Variants in PP2D1 observed in about 807,000 individuals in gnomAD.
PP2D1 encodes protein phosphatase 2C like domain containing 1.
Under a neutral mutation model 30.2 loss-of-function variants are expected in PP2D1, and 25 were observed. That is an observed-to-expected ratio of 0.83 (90% confidence interval 0.60 to 1.16). The LOEUF (loss-of-function observed/expected upper bound fraction) is 1.16. PP2D1 is among the 50% of genes most tolerant of loss of function. The probability of loss-of-function intolerance (pLI) is 0.00; values close to 1 mark genes in which losing one functional copy is unlikely to be tolerated. For missense variants in PP2D1, 760 were observed against 742.4 expected (o/e 1.02, Z -0.28); for synonymous variants, 260 against 258.9 (o/e 1.00, Z -0.04).
At chr3:20,005,382 C>G (rs905478201) in intron 1 of PP2D1, among the ~76,000 whole-genome samples, 3 of 151,984 alleles carry the variant, frequency 2.0e-5, no homozygotes, top group African/African-American at 7.2e-5. Flanking sequence ...GAACTCCCGA[C>G]CTCAGGTGAC....
chr3:19,997,889 T>G (rs1232853386), intron 2 of PP2D1, among the ~76,000 whole-genome samples: 1 of 151,758 alleles, frequency 6.6e-6, no homozygotes, highest in Non-Finnish European at 1.5e-5. Flanking sequence ...CGAGATAAAG[T>G]AAGGTTGGTT....
Position 19,987,925 on chromosome 3 carries a change from A to G in PP2D1, c.1091-1743T>C, listed in dbSNP as rs1052162697. Among the ~76,000 whole-genome samples, 21 of 152,340 alleles carry G rather than the reference A, an allele frequency of 1.4e-4. No homozygotes were observed. The Middle Eastern group carries it at 0.01, about 74-fold the overall frequency. The stretch of plus-strand genomic sequence containing the variant: ...CATGTCTTTACTGCAATCTCTGAAC[A>G]TAAATTGTGAAGATTTCATGGACAT... On this transcript the variant is annotated intron_variant, in intron 2 of 2. Coordinates refer to ENST00000389050, the MANE Select transcript of PP2D1 (RefSeq NM_001252657.2).
chr3:19,980,037 C>G (rs181904290), exon 4 of PP2D1: 1 of 152,294 alleles, frequency 6.6e-6, no homozygotes, highest in African/African-American at 2.4e-5. Flanking sequence ...TGGGAAAGAA[C>G]TTGCCTTTTC....
chr3:19,980,455 C>T (rs371372655), downstream of PP2D1, among the ~76,000 whole-genome samples: 1,905 of 117,936 alleles, frequency 0.016, 11 homozygotes, highest in Middle Eastern at 0.061. Context: ...ATTTTTTTTT[C>T]TTTTTTTTTT....
intron 2 of PP2D1, among the ~76,000 whole-genome samples, chr3:19,997,843 TA>T (rs1697201574): frequency 6.6e-6 from 1 of 152,100 alleles, no homozygotes; most frequent in Non-Finnish European, 1.5e-5. Flanking sequence ...GAATGATGGT[TA>T]CCAAAGATTG....
At position 19,993,469 on chromosome 3, in the gene PP2D1, C is replaced by T. The variant is rs539179189; in HGVS notation, c.1091-7287G>A. ...TTCACAAGGTGGCCAGGTGCAGTGG[C>T]TCATACCTATAATCCCAGCACTTTG... On this transcript the variant is annotated intron_variant, in intron 2 of 2. Transcript: ENST00000389050. Among the ~76,000 whole-genome samples, 4 of 152,320 alleles carry T rather than the reference C, an allele frequency of 2.6e-5. No individual in the cohort carries two copies. The East Asian group carries it at 5.8e-4, about 22-fold the overall frequency.
Position 20,012,146 on chromosome 3 carries a change from G to C in PP2D1, c.-74C>G. ...GGCCTCTATTTCTCCAACTTGAGTA[G>C]TGATGGTGATGGTGGAGGTAGAGGT... On this transcript the variant is annotated 5_prime_UTR_variant, in exon 1 of 3. Coordinates refer to ENST00000389050, the MANE Select transcript of PP2D1 (RefSeq NM_001252657.2). 1 of 1,184,950 alleles carries C rather than the reference G, an allele frequency of 8.4e-7. No individual in the cohort carries two copies. Among genetic ancestry groups the C allele is most frequent in the East Asian group, 2.6e-5 (1 of 38,972 alleles). The allele number at this position is 1,184,950 out of a possible 1,614,324, so 73.4% of individuals were successfully genotyped here.
chr3:19,989,725 G>T (rs183096022), intron 2 of PP2D1, among the ~76,000 whole-genome samples: 1 of 152,164 alleles, frequency 6.6e-6, no homozygotes, highest in African/African-American at 2.4e-5. Flanking sequence ...AAATTTTTAC[G>T]TGTGTGCATA....
In PP2D1 at chr3:20,006,951, G is replaced by GTA. The variant is rs751112821; in HGVS notation, c.24-4857_24-4856dup. On this transcript the variant is annotated intron_variant, in intron 1 of 2. Transcript: ENST00000389050. ...GCCTAAAATATATATACGTATGTGT[G>GTA]TATATATATATACATATATATACAC... Among the ~76,000 whole-genome samples, 1,444 of 149,636 alleles carry GTA rather than the reference G, an allele frequency of 9.7e-3. 12 individuals are homozygous for GTA. The highest frequency in any genetic ancestry group is 0.028 in the Middle Eastern group (8 of 284).
intron 2 of PP2D1, among the ~76,000 whole-genome samples, chr3:19,988,042 T>G (rs963877909): frequency 2.6e-5 from 4 of 152,148 alleles, no homozygotes; most frequent in Non-Finnish European, 5.9e-5. Flanking sequence ...TGTATGTCGC[T>G]TCAGGACCCT....
intron 2 of PP2D1, among the ~76,000 whole-genome samples, chr3:20,000,413 A>C (rs1460462399): frequency 6.6e-6 from 1 of 152,186 alleles, no homozygotes; most frequent in African/African-American, 2.4e-5. Context: ...ACTCATGTCA[A>C]TTTTGCTAAA....
rs2125136728 is a variant in PP2D1, at chr3:19,986,067, A to G, written c.1206T>C (p.Ser402=). The G allele has an allele frequency of 6.5e-7, 1 of 1,536,036 alleles. No individual in the cohort carries two copies. The highest frequency in any genetic ancestry group is 8.7e-7 in the Non-Finnish European group (1 of 1,146,832). ...CTACAAGCCCGTATGGTTCATTTGA[A>G]CTAATGACTGCTCCATTCTGAAGTA... ...RRILQNGAVI[S]SNEPYGLVEG... The change falls in exon 3 of 3, where the codon AGT becomes AGC. Residue 402 remains serine, a synonymous_variant. Coordinates refer to ENST00000389050, the MANE Select transcript of PP2D1 (RefSeq NM_001252657.2).
chr3:19,981,712 G>A (rs946623078), downstream of PP2D1, among the ~76,000 whole-genome samples: 5 of 152,110 alleles, frequency 3.3e-5, no homozygotes, highest in African/African-American at 1.2e-4. Flanking sequence ...TATCCAGCAG[G>A]TAAGTTTTTT....
In PP2D1 at chr3:19,985,701, A is replaced by G. The variant is rs551498146; in HGVS notation, c.1572T>C (p.Arg524=). Residue 524 remains arginine (R), a synonymous_variant, in exon 3 of 3, where the codon CGT becomes CGC. Coordinates refer to ENST00000389050, the MANE Select transcript of PP2D1 (RefSeq NM_001252657.2). ...LFQYKSVSEV[R]VSTTNSKENL... ...TTTCTTTGGAATTTGTAGTTGACAC[A>G]CGTACTTCAGATACAGATTTATACT... 1,424 of 1,535,932 alleles carry G rather than the reference A, an allele frequency of 9.3e-4. 23 individuals carry two copies. The South Asian group carries it at 0.016, about 17-fold the overall frequency.
In PP2D1 at chr3:19,985,712, A is replaced by G. The variant is rs1482071652; in HGVS notation, c.1561T>C (p.Ser521Pro). 1 of 1,535,596 alleles carries G rather than the reference A, an allele frequency of 6.5e-7. No homozygotes were observed. Among genetic ancestry groups the G allele is most frequent in the African/African-American group, 1.4e-5 (1 of 73,048 alleles). The change falls in exon 3 of 3, where the codon TCT (serine) becomes CCT (proline). Residue 521 changes from serine to proline, a missense_variant. Ser to Pro is a moderately conservative substitution (Grantham distance 74, BLOSUM62 -1). This residue lies in a region of PP2D1 where 369 missense variants were observed against 316.2 expected (regional missense o/e 1.17). Transcript: ENST00000389050. The part of the protein sequence containing the change: ...IHVLFQYKSV[S>P]EVRVSTTNSK... The stretch of plus-strand genomic sequence containing the variant: ...TTTGTAGTTGACACACGTACTTCAG[A>G]TACAGATTTATACTGAAACAATACG...
At chr3:20,011,909 A>T (rs536708787) in intron 1 of PP2D1, 141 bp downstream of exon 1, 1 of 581,818 alleles carries the variant, frequency 1.7e-6, no homozygotes, top group South Asian at 2.5e-5. Context: ...AGGCAGAGGG[A>T]TATATCACTC....
chr3:19,983,265 G>A (rs1315444309), downstream of PP2D1, among the ~76,000 whole-genome samples: 3 of 150,848 alleles, frequency 2.0e-5, no homozygotes, highest in African/African-American at 7.3e-5. Context: ...GAACCCAGGA[G>A]GTGGAGGTTG....
rs9882344 is a variant in PP2D1, at chr3:20,002,039, C to T, written c.81G>A (p.Glu27=). The part of the protein sequence containing the change: ...NMKTSTFDSD[E]DILLLPKRKR... ...TTCTTTTGGGTAAAAGTAGAATATC[C>T]TCATCTGAATCAAATGTTGATGTTT... Residue 27 remains glutamate (E), a synonymous_variant, in exon 2 of 3, where the codon GAG becomes GAA. Coordinates refer to ENST00000389050, the MANE Select transcript of PP2D1 (RefSeq NM_001252657.2). 0.18 allele frequency: 277,958 copies of T among 1,528,668 alleles called. 27,637 individuals are homozygous for T. Among genetic ancestry groups the T allele is most frequent in the Middle Eastern group, 0.22 (1,298 of 5,974 alleles). 94.7% of individuals were successfully genotyped at this position (1,528,668 alleles called of 1,614,324 possible).
At chr3:19,995,582 G>A (rs566176093) in intron 2 of PP2D1, among the ~76,000 whole-genome samples, 1 of 152,284 alleles carries the variant, frequency 6.6e-6, no homozygotes, top group East Asian at 1.9e-4. Context: ...GCAGCCTTAG[G>A]AAACTAGTAC....
Sources: allele counts gnomAD v4.1 joint callset (sites outside exome capture counted in the v4.1 genomes callset), GRCh38; gene constraint gnomAD v4.1.1; regional missense constraint gnomAD v4.1.1; transcripts MANE v1.5; gene names NCBI Gene and HGNC (gene_info 2026-07-23, HGNC 2026-07-21).